TRIM54: variants seen among roughly 807,000 people sequenced by gnomAD.
TRIM54 encodes the protein tripartite motif-containing protein 54.
A neutral mutation model predicts 42.0 loss-of-function variants in TRIM54; 40 were observed. The observed-to-expected ratio is 0.95, with a 90% CI of 0.74 to 1.24. The LOEUF is 1.24. TRIM54 is among the 50% of genes most tolerant of loss of function. TRIM54 has a pLI of 0.00. For missense variants in TRIM54, 485 were observed against 480.3 expected, an observed-to-expected ratio of 1.01 and a Z score of -0.09; for synonymous variants, 199 against 194.9, an observed-to-expected ratio of 1.02 and a Z score of -0.17.
At chr2:27,291,741 G>T (rs1440994409) in intron 1 of TRIM54, among the ~76,000 whole-genome samples, 3 of 152,160 alleles carry the variant, frequency 2.0e-5, no homozygotes, top group Non-Finnish European at 4.4e-5. Context: ...TTTGGCTGGG[G>T]GCTAGCATTG....
chr2:27,288,048 G>A (rs1678625795), intron 1 of TRIM54, among the ~76,000 whole-genome samples: 2 of 152,196 alleles, frequency 1.3e-5, no homozygotes, highest in Admixed American at 1.3e-4. Flanking sequence ...CCCATAGCTA[G>A]CCCTCTGTTT....
chr2:27,293,533 T>C (rs1678777898), intron 1 of TRIM54, among the ~76,000 whole-genome samples: 1 of 152,200 alleles, frequency 6.6e-6, no homozygotes, highest in South Asian at 2.1e-4. Context: ...CAGGTCATTC[T>C]GGTTGAAAGC....
chr2:27,282,743 A>T lies in TRIM54; in HGVS notation c.12A>T (p.Thr4=). 1 of 1,611,972 alleles carries T rather than the reference A, an allele frequency of 6.2e-7. No individual in the cohort carries two copies. The highest frequency in any genetic ancestry group is 8.5e-7 in the Non-Finnish European group (1 of 1,178,974). MNF[T]VGFKPLLGDA... is the part of the protein sequence containing the mutation. ...CGACCACCGAGGGGATGAACTTCACAGTGGGTTTCAAGCCGCTGCTAGGGG... is the reference window on the plus strand; with the variant it reads ...CGACCACCGAGGGGATGAACTTCACTGTGGGTTTCAAGCCGCTGCTAGGGG... Residue 4 remains threonine (T), a synonymous_variant, in exon 1 of 9, where the codon ACA becomes ACT. Coordinates refer to ENST00000380075, the MANE Select transcript of TRIM54 (RefSeq NM_187841.3).
chr2:27,298,331 T>C (rs1197927814), intron 1 of TRIM54, among the ~76,000 whole-genome samples: 1 of 152,186 alleles, frequency 6.6e-6, no homozygotes, highest in Non-Finnish European at 1.5e-5. Flanking sequence ...AGCTGAGTTC[T>C]GGATGCAGGG....
chr2:27,292,757 C>G (rs1216783094), intron 1 of TRIM54, among the ~76,000 whole-genome samples: 3 of 152,200 alleles, frequency 2.0e-5, no homozygotes, highest in Non-Finnish European at 4.4e-5. Flanking sequence ...ACCATCCATC[C>G]TATGCCAGGT....
chr2:27,298,736 C>T lies in TRIM54; in HGVS notation c.338C>T (p.Ser113Phe). The T allele has an allele frequency of 1.2e-6, 2 of 1,613,616 alleles. No homozygotes were observed. Among genetic ancestry groups the T allele is most frequent in the Non-Finnish European group, 1.7e-6 (2 of 1,179,702 alleles). The change falls in exon 2 of 9, where the codon TCC becomes TTC. Residue 113 changes from serine to phenylalanine, a missense_variant. Physicochemically the swap from Ser to Phe is radical, Grantham distance 155. Coordinates refer to ENST00000380075, the MANE Select transcript of TRIM54 (RefSeq NM_187841.3). ...ATCGACATTTACAAGCAGGAGTCAT[C>T]CAGGTGAGCCACCAGAGTCTCTTGC... Reference protein sequence around the residue: ...NIIDIYKQESSRPLHSKAEQH... With the variant: ...NIIDIYKQESFRPLHSKAEQH...
rs557029476 is a variant in TRIM54 at position 27,306,629 on chromosome 2, C to G, written c.*1+87C>G. On this transcript the variant is annotated intron_variant, in intron 8 of 8. Coordinates refer to ENST00000380075, the MANE Select transcript of TRIM54 (RefSeq NM_187841.3). The surrounding 1 kb of genome is among the most constrained non-coding windows in gnomAD (Gnocchi z 6.1). The stretch of plus-strand genomic sequence containing the variant: ...GCTGGTGTGCTCGCGTCCCCTCCCC[C>G]AGTGATTGCCCTCCCTGCGGGTAGC... The G allele has an allele frequency of 2.4e-4, 306 of 1,299,832 alleles. No individual in the cohort carries two copies. Among genetic ancestry groups the G allele is most frequent in the Non-Finnish European group, 2.9e-4 (279 of 960,934 alleles). 80.5% of individuals were successfully genotyped at this position (1,299,832 alleles called of 1,614,324 possible).
At position 27,307,030 on chromosome 2, in the gene TRIM54, C is replaced by A. The variant is rs1332247652; in HGVS notation, c.*145C>A. 1 of 231,310 alleles carries A rather than the reference C, an allele frequency of 4.3e-6. No homozygotes were observed. Among genetic ancestry groups the A allele is most frequent in the Non-Finnish European group, 8.5e-6 (1 of 117,734 alleles). The allele number at this position is 231,310 out of a possible 1,614,324, so 14.3% of individuals were successfully genotyped here. ...AGCGTCCCAGACCCGTATCTCCTTT[C>A]GCTGCCCAACCCCGCAGCCTGGGCT... On this transcript the variant is annotated 3_prime_UTR_variant, in exon 9 of 9. Coordinates refer to ENST00000380075, the MANE Select transcript of TRIM54 (RefSeq NM_187841.3). The surrounding 1 kb of genome is among the most constrained non-coding windows in gnomAD (Gnocchi z 6.9).
At chr2:27,301,441 G>A (rs995012484) in intron 3 of TRIM54, among the ~76,000 whole-genome samples, 6 of 152,110 alleles carry the variant, frequency 3.9e-5, no homozygotes, top group African/African-American at 1.2e-4. Context: ...GGTCCAGCCT[G>A]GTTGCCCATT....
rs1233022728 is a variant in TRIM54 at position 27,306,593 on chromosome 2, G to A, written c.*1+51G>A. 1.4e-6 allele frequency: 2 copies of A among 1,470,842 alleles called. No individual in the cohort carries two copies. The highest frequency in any genetic ancestry group is 9.1e-7 in the Non-Finnish European group (1 of 1,104,694). The allele number at this position is 1,470,842 out of a possible 1,614,324, so 91.1% of individuals were successfully genotyped here. A position where few individuals can be genotyped will look rare whatever the true frequency, so the allele number is the denominator to read the frequency against. ...GGTGAGAGCGGCCTGAGGGGCTTGG[G>A]GTGGGGCCTGGCTGGTGTGCTCGCG... On this transcript the variant is annotated intron_variant, in intron 8 of 8. Coordinates refer to ENST00000380075, the MANE Select transcript of TRIM54 (RefSeq NM_187841.3). This position sits in a 1 kb window ranked among gnomAD's most constrained non-coding sequence, Gnocchi z 6.1.
At chr2:27,286,190 A>C (rs56927245) in intron 1 of TRIM54, among the ~76,000 whole-genome samples, 1 of 150,548 alleles carries the variant, frequency 6.6e-6, no homozygotes, top group African/African-American at 2.4e-5. Context: ...AGATGGTGTC[A>C]CATTATGTTA....
intron 3 of TRIM54, among the ~76,000 whole-genome samples, chr2:27,303,569 G>A (rs953099708): frequency 5.9e-5 from 9 of 151,772 alleles, no homozygotes; most frequent in Admixed American, 4.6e-4. Flanking sequence ...AAAAGTTTCC[G>A]GAGACCGTAG....
intron 2 of TRIM54, 27 bp from the exon 3 acceptor site, chr2:27,299,218 C>G: frequency 1.2e-6 from 2 of 1,611,688 alleles, no homozygotes; most frequent in Non-Finnish European, 1.7e-6. Flanking sequence ...GCTTAAGGTC[C>G]ACCTCCCCCT....
rs1204281839 is a variant in TRIM54 at position 27,299,273 on chromosome 2, C to T, written c.370C>T (p.Leu124Phe). 1.2e-6 allele frequency: 2 copies of T among 1,614,144 alleles called. No homozygotes were observed. The highest frequency in any genetic ancestry group is 1.3e-5 in the African/African-American group (1 of 75,054). Reference protein sequence around the residue: ...RPLHSKAEQHLMCEEHEEEKI... With the variant: ...RPLHSKAEQHFMCEEHEEEKI... Reference sequence around the variant, plus strand: ...GCTGCACTCCAAGGCTGAGCAGCACCTCATGTGCGAGGAGCATGAAGAAGA... The same window carrying T: ...GCTGCACTCCAAGGCTGAGCAGCACTTCATGTGCGAGGAGCATGAAGAAGA... Residue 124 changes from leucine to phenylalanine, a missense_variant, in exon 3 of 9, where the codon CTC becomes TTC. By Grantham distance (22) the Leu-to-Phe change is conservative. Coordinates refer to ENST00000380075, the MANE Select transcript of TRIM54 (RefSeq NM_187841.3).
chr2:27,306,517 G>GGAAGAGCGGCCGGAT lies in TRIM54; in HGVS notation c.1055_1069dup (p.Glu352_Asp356dup). The GGAAGAGCGGCCGGAT allele has an allele frequency of 6.4e-7, 1 of 1,565,464 alleles. No homozygotes were observed. Among genetic ancestry groups the GGAAGAGCGGCCGGAT allele is most frequent in the Non-Finnish European group, 8.7e-7 (1 of 1,154,810 alleles). On this transcript the variant is annotated inframe_insertion, in exon 8 of 9. Coordinates refer to ENST00000380075, the MANE Select transcript of TRIM54 (RefSeq NM_187841.3). This position sits in a 1 kb window ranked among gnomAD's most constrained non-coding sequence, Gnocchi z 6.1. ...GAGAGGAGGGCAGCGCGGGGCCGGA[G>GGAAGAGCGGCCGGAT]GAAGAGCGGCCGGATGGGCCTTAAG...
intron 3 of TRIM54, 96 bp downstream of exon 3, chr2:27,299,512 ATTTC>A (rs754462053): frequency 5.8e-6 from 9 of 1,541,034 alleles, no homozygotes; most frequent in Middle Eastern, 3.3e-4. Flanking sequence ...TTGTTTACTT[ATTTC>A]TTTATTTATT....
chr2:27,305,916 G>C, intron 5 of TRIM54, 99 bp downstream of exon 5: 1 of 1,369,622 alleles, frequency 7.3e-7, no homozygotes, highest in Non-Finnish European at 1.0e-6. Context: ...GCACCTGCTT[G>C]CCCCTACGAC....
chr2:27,304,939 C>CT lies in TRIM54; in HGVS notation c.514-19dup. The CT allele has an allele frequency of 6.2e-7, 1 of 1,610,572 alleles. No individual in the cohort carries two copies. The highest frequency in any genetic ancestry group is 1.1e-5 in the South Asian group (1 of 90,694). ...CTAGGCCAGGTCCCAGCTCTGAGTGCTGACCTGTGTGTGTATCAGAGTGAG... is the reference window on the plus strand; with the variant it reads ...CTAGGCCAGGTCCCAGCTCTGAGTGCTTGACCTGTGTGTGTATCAGAGTGAG... On this transcript the variant is annotated intron_variant, in intron 3 of 8. Coordinates refer to ENST00000380075, the MANE Select transcript of TRIM54 (RefSeq NM_187841.3).
rs376029946 is a variant in TRIM54 at position 27,306,351 on chromosome 2, C to T, written c.991+14C>T. ...ACTTCCAGCCAGGTGAAGGAGGTGG[C>T]CGAGGGCCGCTGAGACGGGTTCGGA... is the stretch of plus-strand genomic sequence containing the variant. On this transcript the variant is annotated intron_variant, in intron 7 of 8. Coordinates refer to ENST00000380075, the MANE Select transcript of TRIM54 (RefSeq NM_187841.3). The surrounding 1 kb of genome is among the most constrained non-coding windows in gnomAD (Gnocchi z 6.1). 6.2e-7 allele frequency: 1 copy of T among 1,614,026 alleles called. No homozygotes were observed. Among genetic ancestry groups the T allele is most frequent in the Non-Finnish European group, 8.5e-7 (1 of 1,179,944 alleles).
Sources: allele counts gnomAD v4.1 joint callset (sites outside exome capture counted in the v4.1 genomes callset), GRCh38; gene constraint gnomAD v4.1.1; non-coding constraint Gnocchi (gnomAD v3.1); transcripts MANE v1.5; gene names NCBI Gene and HGNC (gene_info 2026-07-23, HGNC 2026-07-21).